Variants in MEI4 observed in about 807,000 individuals in gnomAD.
MEI4 encodes the protein meiosis-specific protein MEI4.
Under a neutral mutation model 31.4 loss-of-function variants are expected in MEI4, and 27 were observed. The ratio of observed to expected loss-of-function variants is 0.86; its 90% CI spans 0.63 to 1.19. The LOEUF (loss-of-function observed/expected upper bound fraction) is 1.19. Ranked by LOEUF, MEI4 falls within the 50% of genes most tolerant of loss-of-function variation. The pLI is 0.00. For synonymous variants in MEI4, 122 were observed against 145.4 expected, an observed-to-expected ratio of 0.84 and a Z score of 1.16; for missense variants, 329 against 398.9, an observed-to-expected ratio of 0.82 and a Z score of 1.49.
intron 4 of MEI4, among the ~76,000 whole-genome samples, chr6:77,886,356 T>G (rs1282066244): frequency 1.3e-5 from 2 of 152,210 alleles, no homozygotes; most frequent in Non-Finnish European, 2.9e-5. Flanking sequence ...TGCTCATGTT[T>G]TCTGTGTCTT....
chr6:77,750,419 G>C (rs1444550610), intron 2 of MEI4, among the ~76,000 whole-genome samples: 7 of 152,172 alleles, frequency 4.6e-5, no homozygotes, highest in African/African-American at 1.7e-4. Flanking sequence ...TAAAGGGATG[G>C]AGGAATATTT....
chr6:77,880,432 C>T (rs1039113641), intron 4 of MEI4, among the ~76,000 whole-genome samples: 2 of 151,894 alleles, frequency 1.3e-5, no homozygotes, highest in Non-Finnish European at 2.9e-5. Flanking sequence ...GGGGTTTCAC[C>T]GTGTATTGTG....
intron 2 of MEI4, among the ~76,000 whole-genome samples, chr6:77,754,726 G>T (rs1171284884): frequency 6.6e-6 from 1 of 152,048 alleles, no homozygotes; most frequent in Non-Finnish European, 1.5e-5. Context: ...CACATGGCTG[G>T]GGTGGCCTCA....
chr6:77,785,248 A>G (rs1005404766), intron 3 of MEI4, among the ~76,000 whole-genome samples: 3 of 152,154 alleles, frequency 2.0e-5, no homozygotes, highest in Non-Finnish European at 4.4e-5. Flanking sequence ...TGCAAATACT[A>G]TTATTTTACT....
At chr6:77,655,736 A>G (rs1768382254) in intron 1 of MEI4, among the ~76,000 whole-genome samples, 1 of 152,104 alleles carries the variant, frequency 6.6e-6, no homozygotes, top group African/African-American at 2.4e-5. Flanking sequence ...AATTTGTTGA[A>G]CTTTTTATTT....
At chr6:77,768,991 A>C (rs183569933) in intron 3 of MEI4, among the ~76,000 whole-genome samples, 1 of 152,284 alleles carries the variant, frequency 6.6e-6, no homozygotes, top group African/African-American at 2.4e-5. Context: ...CCACAGGAAG[A>C]CTAAATTGAA....
Position 77,883,743 on chromosome 6 carries a change from T to TAA in MEI4, c.901-39345_901-39344dup, listed in dbSNP as rs1554172126. Among the ~76,000 whole-genome samples the TAA allele has an allele frequency of 3.4e-3, 445 of 131,712 alleles. 5 individuals carry two copies. The highest frequency in any genetic ancestry group is 5.0e-3 in the Non-Finnish European group (332 of 65,910). 86.4% of individuals were successfully genotyped at this position (131,712 alleles called of 152,430 possible). ...ATATATATATATATATATATATATA[T>TAA]AACTTTGTCTTTGTCTATTCATTTA... On this transcript the variant is annotated intron_variant, in intron 4 of 4. Coordinates refer to ENST00000684080, the MANE Select transcript of MEI4 (RefSeq NM_001322247.2).
chr6:77,674,321 T>G (rs12661522), intron 1 of MEI4, among the ~76,000 whole-genome samples: 14,250 of 152,218 alleles, frequency 0.094, 803 homozygotes, highest in East Asian at 0.22. Flanking sequence ...AATGCAGTCA[T>G]GTACCACATG....
At chr6:77,876,967 G>A (rs1242890916) in intron 4 of MEI4, among the ~76,000 whole-genome samples, 1 of 152,038 alleles carries the variant, frequency 6.6e-6, no homozygotes, top group Non-Finnish European at 1.5e-5. Flanking sequence ...TAAATGTTAG[G>A]TTCATGCCCA....
intron 2 of MEI4, among the ~76,000 whole-genome samples, chr6:77,728,085 A>G (rs1766872455): frequency 6.6e-6 from 1 of 152,224 alleles, no homozygotes; most frequent in South Asian, 2.1e-4. Flanking sequence ...GTGAATTAAA[A>G]TTGCAGACTT....
intron 1 of MEI4, among the ~76,000 whole-genome samples, chr6:77,670,029 A>G (rs1473790522): frequency 2.6e-5 from 4 of 152,166 alleles, no homozygotes; most frequent in Non-Finnish European, 5.9e-5. Context: ...AGACAGATCC[A>G]TGCAGCTTAA....
At chr6:77,861,038 G>A (rs1357235404) in intron 4 of MEI4, among the ~76,000 whole-genome samples, 2 of 152,142 alleles carry the variant, frequency 1.3e-5, no homozygotes, top group East Asian at 3.9e-4. Context: ...TATCTTGGCA[G>A]TGTCTGAGGT....
At chr6:77,816,980 C>G (rs1769703971) in intron 3 of MEI4, among the ~76,000 whole-genome samples, 1 of 151,806 alleles carries the variant, frequency 6.6e-6, no homozygotes, top group South Asian at 2.1e-4. Flanking sequence ...AGCTGTAATT[C>G]TGCCTGCATT....
chr6:77,881,451 A>G (rs1471167167), intron 4 of MEI4, among the ~76,000 whole-genome samples: 1 of 152,202 alleles, frequency 6.6e-6, no homozygotes, highest in Non-Finnish European at 1.5e-5. Flanking sequence ...AGTGTTTCTA[A>G]TGACTTCTGA....
chr6:77,913,071 C>T (rs1335637353), intron 4 of MEI4, among the ~76,000 whole-genome samples: 1 of 152,062 alleles, frequency 6.6e-6, no homozygotes, highest in Non-Finnish European at 1.5e-5. Flanking sequence ...GAGATGATCA[C>T]ATGGGTTTTG....
At chr6:77,717,047 A>G (rs1033149387) in intron 2 of MEI4, among the ~76,000 whole-genome samples, 1 of 147,066 alleles carries the variant, frequency 6.8e-6, no homozygotes, top group Non-Finnish European at 1.5e-5. Context: ...AGAGAAAGAA[A>G]TAAGGGGACC....
chr6:77,784,826 A>G (rs1768691056), intron 3 of MEI4, among the ~76,000 whole-genome samples: 1 of 152,206 alleles, frequency 6.6e-6, no homozygotes, highest in Non-Finnish European at 1.5e-5. Context: ...AAGAAAAAAT[A>G]TAATTGGCCA....
In MEI4 at chr6:77,755,676, CATGTGCTGGGTGTTTATTATA is replaced by C. The variant is rs1197078980; in HGVS notation, c.233-5449_233-5429del. Among the ~76,000 whole-genome samples the C allele has an allele frequency of 2.3e-4, 35 of 152,120 alleles. 1 individual carries two copies. Among genetic ancestry groups the C allele is most frequent in the Admixed American group, 1.5e-3 (23 of 15,254 alleles). ...TCATGATCTGCCCACCTCGGACTCC[CATGTGCTGGGTGTTTATTATA>C]ATGTTTAATTGATATTTCATGTACT... is the stretch of plus-strand genomic sequence containing the variant. On this transcript the variant is annotated intron_variant, in intron 2 of 4. Coordinates refer to ENST00000684080, the MANE Select transcript of MEI4 (RefSeq NM_001322247.2).
chr6:77,682,024 C>G (rs9352509), intron 1 of MEI4, among the ~76,000 whole-genome samples: 1 of 152,102 alleles, frequency 6.6e-6, no homozygotes, highest in Non-Finnish European at 1.5e-5. Context: ...ATTTGTCAGA[C>G]GGATCTAATC....
Sources: gnomAD v4.1 joint callset for allele counts (sites outside exome capture counted in the v4.1 genomes callset) on GRCh38, gnomAD v4.1.1 for gene constraint, MANE v1.5 for transcripts, NCBI Gene and HGNC (gene_info 2026-07-23, HGNC 2026-07-21) for gene names.